ADGRL3: variants seen among roughly 807,000 people sequenced by gnomAD.
ADGRL3 encodes calcium-independent alpha-latrotoxin receptor 3.
ADGRL3 carries 62 observed loss-of-function variants against 153.5 expected under a neutral mutation model. That is an observed-to-expected ratio of 0.40 (90% CI 0.33 to 0.50). The LOEUF is 0.50. Ranked by LOEUF, ADGRL3 falls within the 20% of genes least tolerant of loss-of-function variation. The pLI is 0.47. For missense variants in ADGRL3, 1,641 were observed against 1,859.4 expected, an observed-to-expected ratio of 0.88 and a Z score of 2.16; for synonymous variants, 710 against 672.5, an observed-to-expected ratio of 1.06 and a Z score of -0.86.
chr4:61,217,761 A>T (rs1167451115), intron 1 of ADGRL3, among the ~76,000 whole-genome samples: 3 of 152,174 alleles, frequency 2.0e-5, no homozygotes, highest in Non-Finnish European at 4.4e-5. Context: ...TTACTCCAGA[A>T]GGTTGGTTCC....
intron 13 of ADGRL3, among the ~76,000 whole-genome samples, chr4:61,925,227 C>T (rs920064851): frequency 2.0e-5 from 3 of 152,038 alleles, no homozygotes; most frequent in African/African-American, 7.2e-5. Context: ...CTAAGGAAAA[C>T]CCTCTTTCCA....
At chr4:61,501,459 TA>T (rs2152827529) in intron 3 of ADGRL3, among the ~76,000 whole-genome samples, 1 of 152,230 alleles carries the variant, frequency 6.6e-6, no homozygotes, top group East Asian at 1.9e-4. Context: ...GAGCACTAGG[TA>T]AGGAAAATAA....
At chr4:61,770,128 A>C (rs1368955721) in intron 8 of ADGRL3, among the ~76,000 whole-genome samples, 1 of 152,202 alleles carries the variant, frequency 6.6e-6, no homozygotes, top group Non-Finnish European at 1.5e-5. Context: ...GTATTAGTAA[A>C]AAATTACTGG....
At chr4:61,529,492 G>C (rs2098598863) in intron 4 of ADGRL3, among the ~76,000 whole-genome samples, 1 of 152,028 alleles carries the variant, frequency 6.6e-6, no homozygotes, top group South Asian at 2.1e-4. Flanking sequence ...GTCCTGATTT[G>C]GGTGATAATT....
intron 8 of ADGRL3, among the ~76,000 whole-genome samples, chr4:61,763,253 T>C (rs1271716756): frequency 6.6e-6 from 1 of 151,676 alleles, no homozygotes; most frequent in Non-Finnish European, 1.5e-5. Context: ...AGTGGTGTTA[T>C]CTTGGCTCAC....
At chr4:61,386,769 G>A (rs1289077824) in intron 2 of ADGRL3, among the ~76,000 whole-genome samples, 1 of 152,112 alleles carries the variant, frequency 6.6e-6, no homozygotes, top group Non-Finnish European at 1.5e-5. Flanking sequence ...GAAAAAATAA[G>A]TATTAGAATG....
intron 21 of ADGRL3, among the ~76,000 whole-genome samples, chr4:62,024,005 A>G (rs1716850998): frequency 6.6e-6 from 1 of 152,190 alleles, no homozygotes; most frequent in Non-Finnish European, 1.5e-5. Flanking sequence ...ATACTTCATT[A>G]TTCATTCTCC....
At chr4:61,775,864 C>T (rs556283230) in intron 8 of ADGRL3, 5 of 456,064 alleles carry the variant, frequency 1.1e-5, no homozygotes, top group Admixed American at 3.2e-5. Context: ...GGTGGGTTAC[C>T]GGTGAAGACG....
intron 12 of ADGRL3, 41 bp from the exon 13 acceptor site, chr4:61,912,678 T>G: frequency 6.3e-7 from 1 of 1,592,522 alleles, no homozygotes; most frequent in Non-Finnish European, 8.6e-7. Context: ...CTAACTTGTT[T>G]TTTCTATTCT....
At chr4:61,239,149 A>G (rs906422559) in intron 1 of ADGRL3, among the ~76,000 whole-genome samples, 4 of 152,124 alleles carry the variant, frequency 2.6e-5, no homozygotes, top group Non-Finnish European at 4.4e-5. Flanking sequence ...TTTTGTTTTA[A>G]ATGGTTTCTA....
chr4:61,936,781 T>TACACAC (rs71666904), intron 15 of ADGRL3, among the ~76,000 whole-genome samples: 5,976 of 138,762 alleles, frequency 0.043, 199 homozygotes, highest in East Asian at 0.1. Context: ...TACATATGCA[T>TACACAC]ACACACACAC....
chr4:61,840,342 A>G (rs1352520308), intron 9 of ADGRL3, among the ~76,000 whole-genome samples: 2 of 152,204 alleles, frequency 1.3e-5, no homozygotes, highest in East Asian at 3.9e-4. Flanking sequence ...AGCCTCCCAA[A>G]GTGCTGGGAT....
Position 61,681,806 on chromosome 4 carries a change from T to C in ADGRL3, c.583+4871T>C, listed in dbSNP as rs542751176. 5.5e-4 allele frequency among the ~76,000 whole-genome samples: 83 copies of C among 152,232 alleles called. 1 individual carries two copies. In the South Asian group the frequency reaches 0.017, roughly 31 times the overall value. Reference sequence around the variant, plus strand: ...ATGTGTACACATTTGGTTACTATTATGTAAATAAATAATTACATATTTTTA... The same window carrying C: ...ATGTGTACACATTTGGTTACTATTACGTAAATAAATAATTACATATTTTTA... On this transcript the variant is annotated intron_variant, in intron 6 of 26. Coordinates refer to ENST00000683033, the MANE Select transcript of ADGRL3 (RefSeq NM_001387552.1).
chr4:61,375,392 G>A (rs1410396697), intron 1 of ADGRL3, among the ~76,000 whole-genome samples: 1 of 152,092 alleles, frequency 6.6e-6, no homozygotes, highest in African/African-American at 2.4e-5. Context: ...CTGCTTGAAT[G>A]AAATTTTAAA....
At chr4:61,929,155 G>T (rs2098806930) in intron 13 of ADGRL3, among the ~76,000 whole-genome samples, 1 of 152,068 alleles carries the variant, frequency 6.6e-6, no homozygotes, top group Admixed American at 6.5e-5. Context: ...TTCTGGTGGG[G>T]TGATTAGGCC....
At chr4:61,313,076 C>T (rs1291315427) in intron 1 of ADGRL3, among the ~76,000 whole-genome samples, 1 of 152,100 alleles carries the variant, frequency 6.6e-6, no homozygotes, top group South Asian at 2.1e-4. Flanking sequence ...CAAAAAAAGA[C>T]ATGGGGACAT....
At chr4:61,331,725 C>A (rs79080367) in intron 1 of ADGRL3, among the ~76,000 whole-genome samples, 2,314 of 152,108 alleles carry the variant, frequency 0.015, 76 homozygotes, top group African/African-American at 0.053. Context: ...TTAAGACTAA[C>A]CCTAGCTGTC....
At chr4:61,271,567 A>G (rs1188110066) in intron 1 of ADGRL3, among the ~76,000 whole-genome samples, 2 of 152,018 alleles carry the variant, frequency 1.3e-5, no homozygotes, top group Non-Finnish European at 2.9e-5. Context: ...AAGGAAACAG[A>G]GAAGTCTACC....
chr4:61,462,217 T>G (rs994673988), intron 2 of ADGRL3, among the ~76,000 whole-genome samples: 15 of 152,292 alleles, frequency 9.8e-5, no homozygotes, highest in African/African-American at 3.6e-4. Context: ...TATTGAGATT[T>G]CAGGGGAGCC....
Sources: gnomAD v4.1 joint callset for allele counts (sites outside exome capture counted in the v4.1 genomes callset) on GRCh38, gnomAD v4.1.1 for gene constraint, MANE v1.5 for transcripts, NCBI Gene and HGNC (gene_info 2026-07-23, HGNC 2026-07-21) for gene names.